The following TBCE variants were observed in gnomAD, a reference collection of about 807,000 sequenced individuals.
TBCE encodes the protein tubulin-specific chaperone E.
TBCE carries 53 observed loss-of-function variants against 77.0 expected under a neutral mutation model. The ratio of observed to expected loss-of-function variants is 0.69; its 90% CI spans 0.55 to 0.87. The LOEUF (loss-of-function observed/expected upper bound fraction) is 0.87. Ranked by LOEUF, TBCE falls within the 40% of genes least tolerant of loss-of-function variation. The pLI is 0.00. For missense variants in TBCE, 624 were observed against 622.4 expected (o/e 1.00, Z -0.03); for synonymous variants, 235 against 241.3 (o/e 0.97, Z 0.24).
chr1:235,385,311 G>C (rs2102823578), intron 2 of TBCE, among the ~76,000 whole-genome samples: 2 of 152,226 alleles, frequency 1.3e-5, no homozygotes, highest in African/African-American at 4.8e-5. Context: ...GGGGTGGAGA[G>C]TTCTGTAGAT....
At chr1:235,419,253 G>T (rs960439612) in intron 4 of TBCE, 25 of 648,436 alleles carry the variant, frequency 3.9e-5, no homozygotes, top group Non-Finnish European at 6.0e-5. Flanking sequence ...GGAGAATTGT[G>T]TTTGGAGAGG....
At chr1:235,370,734 CCTTGT>C (rs148659565) in intron 1 of TBCE, among the ~76,000 whole-genome samples, 67,440 of 145,736 alleles carry the variant, frequency 0.46, 16,170 homozygotes, top group East Asian at 0.69. Flanking sequence ...CTTTTTTCCT[CCTTGT>C]CTTTTCTTTT....
intron 1 of TBCE, among the ~76,000 whole-genome samples, chr1:235,373,193 G>C (rs988975878): frequency 6.6e-6 from 1 of 151,912 alleles, no homozygotes; most frequent in African/African-American, 2.4e-5. Context: ...AAAAGAAGTA[G>C]AACAAATTAT....
Position 235,451,492 on chromosome 1 carries a change from AGAC to A in TBCE, c.*2731_*2733del, listed in dbSNP as rs1682897799. 1 of 146,800 alleles carries A rather than the reference AGAC, an allele frequency of 6.8e-6. No individual in the cohort carries two copies. Among genetic ancestry groups the A allele is most frequent in the African/African-American group, 2.5e-5 (1 of 40,392 alleles). 9.1% of individuals were successfully genotyped at this position (146,800 alleles called of 1,614,324 possible). On this transcript the variant is annotated 3_prime_UTR_variant, in exon 17 of 17. Coordinates refer to ENST00000642610, the MANE Select transcript of TBCE (RefSeq NM_003193.5). ...GGTCACAAAAAAAAAAAAAAAAAAA[AGAC>A]CGCATCAGAAAACAAGCGCCATGAA...
intron 14 of TBCE, among the ~76,000 whole-genome samples, chr1:235,442,168 C>G (rs1199168408): frequency 1.3e-5 from 2 of 151,910 alleles, no homozygotes; most frequent in Non-Finnish European, 2.9e-5. Context: ...ACAACCATGC[C>G]CGGCTAATTT....
chr1:235,436,255 T>C (rs1228183356), intron 9 of TBCE, 131 bp from the exon 10 acceptor site: 12 of 791,654 alleles, frequency 1.5e-5, no homozygotes, highest in South Asian at 1.5e-4. Context: ...TTGGACTTTA[T>C]GGTTTCTAAG....
In TBCE at chr1:235,374,541, C is replaced by T. The variant is rs546343085; in HGVS notation, c.-31-5478C>T. 6.9e-5 allele frequency among the ~76,000 whole-genome samples: 10 copies of T among 145,942 alleles called. 1 individual carries two copies. The highest frequency in any genetic ancestry group is 2.6e-4 in the African/African-American group (10 of 37,836). On this transcript the variant is annotated intron_variant, in intron 1 of 16. Coordinates refer to ENST00000642610, the MANE Select transcript of TBCE (RefSeq NM_003193.5). ...TTTGAGACTGAATCTCCCTCTGTCGCCCAGGCTGAAGTGCAGTGGTGCAAT... is the reference window on the plus strand; with the variant it reads ...TTTGAGACTGAATCTCCCTCTGTCGTCCAGGCTGAAGTGCAGTGGTGCAAT...
At chr1:235,435,724 A>G in intron 8 of TBCE, 21 bp from the exon 9 acceptor site, 1 of 1,607,890 alleles carries the variant, frequency 6.2e-7, no homozygotes, top group Non-Finnish European at 8.5e-7. Context: ...TCACGGTGAA[A>G]AAATTTTATT....
At chr1:235,420,671 C>T (rs1005889841) in intron 5 of TBCE, among the ~76,000 whole-genome samples, 2 of 152,022 alleles carry the variant, frequency 1.3e-5, no homozygotes, top group African/African-American at 2.4e-5. Flanking sequence ...TTGGTAGAGA[C>T]GGGGTTTCAC....
At chr1:235,370,749 T>TC (rs1676878661) in intron 1 of TBCE, among the ~76,000 whole-genome samples, 1 of 149,170 alleles carries the variant, frequency 6.7e-6, no homozygotes, top group African/African-American at 2.5e-5. Flanking sequence ...TCTTTTCTTT[T>TC]TTTTTTTTTT....
intron 8 of TBCE, among the ~76,000 whole-genome samples, chr1:235,435,457 G>A (rs927863611): frequency 3.3e-5 from 5 of 152,140 alleles, no homozygotes; most frequent in African/African-American, 1.2e-4. Flanking sequence ...TTCACATGAA[G>A]TTTTATAAGA....
intron 3 of TBCE, among the ~76,000 whole-genome samples, chr1:235,407,819 T>A (rs571186318): frequency 5.8e-4 from 88 of 152,294 alleles, no homozygotes; most frequent in African/African-American, 2.1e-3. Flanking sequence ...GGGGTTCAAA[T>A]ATGGTAAGTA....
chr1:235,386,992 C>G (rs1208181152), intron 2 of TBCE, among the ~76,000 whole-genome samples: 1 of 146,842 alleles, frequency 6.8e-6, no homozygotes, highest in East Asian at 2.0e-4. Context: ...GGATGTCCTT[C>G]CTGTTTGTTA....
At chr1:235,437,222 G>C in intron 11 of TBCE, 100 bp from the exon 12 acceptor site, 1 of 1,453,604 alleles carries the variant, frequency 6.9e-7, no homozygotes, top group Non-Finnish European at 9.6e-7. Flanking sequence ...CCCTGCCTCA[G>C]ATTAGAACTA....
intron 7 of TBCE, among the ~76,000 whole-genome samples, chr1:235,431,027 C>G (rs1382928973): frequency 6.6e-6 from 1 of 152,202 alleles, no homozygotes; most frequent in African/African-American, 2.4e-5. Context: ...TATCTCAGCT[C>G]ATTTTGACTT....
intron 2 of TBCE, among the ~76,000 whole-genome samples, chr1:235,400,410 T>C (rs901149555): frequency 2.2e-5 from 3 of 138,752 alleles, no homozygotes; most frequent in African/African-American, 8.4e-5. Flanking sequence ...TTTTTCCTCT[T>C]TTTTTTTTGA....
At chr1:235,436,838 G>A (rs908912355) in intron 11 of TBCE, among the ~76,000 whole-genome samples, 4 of 152,176 alleles carry the variant, frequency 2.6e-5, no homozygotes. Flanking sequence ...AGTAAAAGGG[G>A]CCGGGTGTGG....
intron 1 of TBCE, among the ~76,000 whole-genome samples, chr1:235,375,918 C>T (rs1055295236): frequency 2.2e-4 from 33 of 152,158 alleles, no homozygotes; most frequent in African/African-American, 7.9e-4. Context: ...CTTGGTGGCA[C>T]ATGCCTATAA....
At chr1:235,410,112 G>A (rs1679698906) in intron 3 of TBCE, among the ~76,000 whole-genome samples, 1 of 149,740 alleles carries the variant, frequency 6.7e-6, no homozygotes, top group South Asian at 2.1e-4. Context: ...CTACTCAGGA[G>A]GCTGAGGCAG....
Sources: gnomAD v4.1 joint callset for allele counts (sites outside exome capture counted in the v4.1 genomes callset) on GRCh38, gnomAD v4.1.1 for gene constraint, MANE v1.5 for transcripts, NCBI Gene and HGNC (gene_info 2026-07-23, HGNC 2026-07-21) for gene names.